EDC4: variants seen among roughly 807,000 people sequenced by gnomAD.
EDC4 encodes the protein enhancer of mRNA-decapping protein 4.
Under a neutral mutation model 155.8 loss-of-function variants are expected in EDC4, and 64 were observed. The ratio of observed to expected loss-of-function variants is 0.41; its 90% CI spans 0.34 to 0.51. The LOEUF (loss-of-function observed/expected upper bound fraction) is 0.51, where lower values mean the gene tolerates loss of function less well. EDC4 is among the 20% of genes least tolerant of loss of function. EDC4 has a pLI of 0.19. For missense variants in EDC4, 1,303 were observed against 1,812.5 expected (o/e 0.72, Z 5.10); for synonymous variants, 684 against 716.8 (o/e 0.95, Z 0.73).
In EDC4 at chr16:67,879,882, T is replaced by TAGCAGC. The variant is rs747465973; in HGVS notation, c.1869_1874dup (p.Ser628_Ser629dup). ...CCTCTCCCAGCAGCAGCAGCAGCGG[T>TAGCAGC]AGCAGCAGCAGCAGCAGCAGTAGCA... On this transcript the variant is annotated inframe_insertion, in exon 16 of 29. Transcript: ENST00000358933. The surrounding 1 kb of genome is among the most constrained non-coding windows in gnomAD (Gnocchi z 6.0). 20 of 1,610,368 alleles carry TAGCAGC rather than the reference T, an allele frequency of 1.2e-5. No individual in the cohort carries two copies. The highest frequency in any genetic ancestry group is 1.1e-4 in the African/African-American group (8 of 74,790).
rs1414885905 is a variant in EDC4, at chr16:67,882,461, A to G, written c.3309A>G (p.Ala1103=). ...NLTDAIARAA[A]DTLQGPMQAA... is the part of the protein sequence containing the mutation. ...CTGATGCCATCGCCCGAGCAGCTGC[A>G]GACACATTACAAGGGCCGATGCAGG... is the stretch of plus-strand genomic sequence containing the variant. The change falls in exon 25 of 29, where the codon GCA becomes GCG. Residue 1103 remains alanine, a synonymous_variant. Coordinates refer to ENST00000358933, the MANE Select transcript of EDC4 (RefSeq NM_014329.5). The surrounding 1 kb of genome is among the most constrained non-coding windows in gnomAD (Gnocchi z 7.2). 3 of 1,614,164 alleles carry G rather than the reference A, an allele frequency of 1.9e-6. No individual in the cohort carries two copies. Among genetic ancestry groups the G allele is most frequent in the Admixed American group, 3.3e-5 (2 of 60,026 alleles).
In EDC4 at chr16:67,880,809, C is replaced by T. The variant is rs970990818; in HGVS notation, c.2350C>T (p.Arg784Trp). The change falls in exon 18 of 29, where the codon CGG (arginine) becomes TGG (tryptophan). Residue 784 changes from arginine (R) to tryptophan (W), a missense_variant. Arg to Trp is a moderately radical substitution (Grantham distance 101, BLOSUM62 -3). Around this residue, in one of 5 missense-constraint regions of EDC4, gnomAD observed 391 missense variants for 445.4 expected, o/e 0.88. Transcript: ENST00000358933. This position sits in a 1 kb window ranked among gnomAD's most constrained non-coding sequence, Gnocchi z 5.2. ...ACTGCACCTGCTGTCCCCACGGCCC[C>T]GGCCAGGGCCCGAGCTCGGCCCCCA... ...SALHLLSPRPRPGPELGPQLG... is the reference protein window; with the variant it reads ...SALHLLSPRPWPGPELGPQLG... 3.1e-6 allele frequency: 5 copies of T among 1,613,922 alleles called. No homozygotes were observed. Among genetic ancestry groups the T allele is most frequent in the Non-Finnish European group, 3.4e-6 (4 of 1,179,986 alleles).
chr16:67,874,169 A>G (rs2058032798), intron 1 of EDC4, among the ~76,000 whole-genome samples: 1 of 152,146 alleles, frequency 6.6e-6, no homozygotes, highest in African/African-American at 2.4e-5. Flanking sequence ...GTGTCAGGAA[A>G]GGCACCCAAG....
In EDC4 at chr16:67,883,381, A is replaced by G. The variant is rs557178767; in HGVS notation, c.3850-187A>G. ...ACCTAGCCCACCTTGCTTTACAACT[A>G]CCCTTCTCAGGAACCCATTTCCCAA... is the stretch of plus-strand genomic sequence containing the variant. On this transcript the variant is annotated intron_variant, in intron 27 of 28. Transcript: ENST00000358933. This position sits in a 1 kb window ranked among gnomAD's most constrained non-coding sequence, Gnocchi z 5.3. 1.0e-4 allele frequency: 131 copies of G among 1,273,152 alleles called. No homozygotes were observed. In the East Asian group the frequency reaches 2.7e-3, roughly 26 times the overall value. The allele number at this position is 1,273,152 out of a possible 1,614,324, so 78.9% of individuals were successfully genotyped here. A position where few individuals can be genotyped will look rare whatever the true frequency, so the allele number is the denominator to read the frequency against.
At chr16:67,875,637 T>C in intron 1 of EDC4, 1 of 862,244 alleles carries the variant, frequency 1.2e-6, no homozygotes, top group East Asian at 5.9e-5. Context: ...TCCTGACCCC[T>C]CCTATGCCCT....
chr16:67,877,584 C>T lies in EDC4; in HGVS notation c.717C>T (p.Pro239=). ...ACTTTCGCAGGATCATCTGGTGCCC[C>T]TTCATCCCTGAGGAGAGCGAAGACT... The part of the protein sequence containing the change: ...LNHFRRIIWC[P]FIPEESEDCC... Residue 239 remains proline (P), a synonymous_variant, in exon 6 of 29, where the codon CCC becomes CCT. Transcript: ENST00000358933. This position sits in a 1 kb window ranked among gnomAD's most constrained non-coding sequence, Gnocchi z 4.9. 6.2e-7 allele frequency: 1 copy of T among 1,614,222 alleles called. No homozygotes were observed. Among genetic ancestry groups the T allele is most frequent in the Non-Finnish European group, 8.5e-7 (1 of 1,180,032 alleles).
In EDC4 at chr16:67,881,255, C is replaced by T; in HGVS notation, c.2637-10C>T. 6.2e-7 allele frequency: 1 copy of T among 1,614,046 alleles called. No homozygotes were observed. Among genetic ancestry groups the T allele is most frequent in the East Asian group, 2.2e-5 (1 of 44,872 alleles). ...GGGCAGGGGCTTACTCCTCCTTCCC[C>T]TTCCCACAGTGACCATGATGATGAG... On this transcript the variant is annotated splice_polypyrimidine_tract_variant and intron_variant, in intron 19 of 28. Transcript: ENST00000358933. This position sits in a 1 kb window ranked among gnomAD's most constrained non-coding sequence, Gnocchi z 5.4.
Position 67,880,500 on chromosome 16 carries a change from C to T in EDC4, c.2098-57C>T. On this transcript the variant is annotated intron_variant, in intron 17 of 28. Coordinates refer to ENST00000358933, the MANE Select transcript of EDC4 (RefSeq NM_014329.5). This position sits in a 1 kb window ranked among gnomAD's most constrained non-coding sequence, Gnocchi z 5.2. Reference sequence around the variant, plus strand: ...CTAATACTAATGCCTCGTCTCTGTGCCCCCCATCTCTGCCTCACTTCCTGT... The same window carrying T: ...CTAATACTAATGCCTCGTCTCTGTGTCCCCCATCTCTGCCTCACTTCCTGT... 1.9e-6 allele frequency: 3 copies of T among 1,579,570 alleles called. No individual in the cohort carries two copies. The highest frequency in any genetic ancestry group is 1.3e-5 in the African/African-American group (1 of 74,278).
Position 67,882,796 on chromosome 16 carries a change from A to G in EDC4, c.3560A>G (p.Gln1187Arg). 1 of 1,614,186 alleles carries G rather than the reference A, an allele frequency of 6.2e-7. No homozygotes were observed. The highest frequency in any genetic ancestry group is 1.1e-5 in the South Asian group (1 of 91,084). Residue 1187 changes from glutamine (Q) to arginine (R), a missense_variant, in exon 26 of 29, where the codon CAG becomes CGG. Transcript: ENST00000358933. This position sits in a 1 kb window ranked among gnomAD's most constrained non-coding sequence, Gnocchi z 7.2. ...LVSTLQSATE[Q>R]MAATVAGSVR... ...AGCACACTGCAGAGTGCCACTGAGC[A>G]GATGGCAGCCACCGTGGCCGGCAGT...
Position 67,883,209 on chromosome 16 carries a change from A to C in EDC4, c.3849+32A>C, listed in dbSNP as rs188359494. 2.2e-3 allele frequency: 3,366 copies of C among 1,529,068 alleles called. 141 individuals carry two copies. In the Admixed American group the frequency reaches 0.061, roughly 28 times the overall value. The allele number at this position is 1,529,068 out of a possible 1,614,324, so 94.7% of individuals were successfully genotyped here. ...TAGGCATTAGGCCCTGCTAAGGGTC[A>C]CGTGTCTCTTGACAAGGCCCACATA... On this transcript the variant is annotated intron_variant, in intron 27 of 28. Coordinates refer to ENST00000358933, the MANE Select transcript of EDC4 (RefSeq NM_014329.5). The surrounding 1 kb of genome is among the most constrained non-coding windows in gnomAD (Gnocchi z 5.3).
chr16:67,881,189 C>T lies in EDC4; in HGVS notation c.2636+9C>T. 1 of 1,614,074 alleles carries T rather than the reference C, an allele frequency of 6.2e-7. No homozygotes were observed. The highest frequency in any genetic ancestry group is 1.3e-5 in the African/African-American group (1 of 75,012). On this transcript the variant is annotated intron_variant, in intron 19 of 28. Coordinates refer to ENST00000358933, the MANE Select transcript of EDC4 (RefSeq NM_014329.5). The surrounding 1 kb of genome is among the most constrained non-coding windows in gnomAD (Gnocchi z 5.4). ...GCCAGTGCTGAGCAAAGGTGGGAGC[C>T]ACTCTACACCATTGCCCTCATGGGG...
In EDC4 at chr16:67,873,276, G is replaced by C; in HGVS notation, c.15G>C (p.Ala5=). The change falls in exon 1 of 29, where the codon GCG becomes GCC. Residue 5 remains alanine, a synonymous_variant. Transcript: ENST00000358933. ...CCGCAGGGCCCATGGCCTCCTGCGC[G>C]AGCATCGACATCGAGGACGCCACGC... is the stretch of plus-strand genomic sequence containing the variant. MASC[A]SIDIEDATQH... is the part of the protein sequence containing the mutation. 1 of 1,471,164 alleles carries C rather than the reference G, an allele frequency of 6.8e-7. No homozygotes were observed. Among genetic ancestry groups the C allele is most frequent in the Non-Finnish European group, 9.0e-7 (1 of 1,115,642 alleles). The allele number at this position is 1,471,164 out of a possible 1,614,324, so 91.1% of individuals were successfully genotyped here. A position where few individuals can be genotyped will look rare whatever the true frequency, so the allele number is the denominator to read the frequency against.
chr16:67,879,867 C>T lies in EDC4; in HGVS notation c.1839C>T (p.Ser613=), dbSNP rs1313832456. ...ASLQQITASP[S]SSSSGSSSSS... is the part of the protein sequence containing the mutation. ...CTCCCCAGATCACTGCCTCTCCCAG[C>T]AGCAGCAGCAGCGGTAGCAGCAGCA... The change falls in exon 16 of 29, where the codon AGC becomes AGT. Residue 613 remains serine (S), a synonymous_variant. Coordinates refer to ENST00000358933, the MANE Select transcript of EDC4 (RefSeq NM_014329.5). This position sits in a 1 kb window ranked among gnomAD's most constrained non-coding sequence, Gnocchi z 6.0. The T allele has an allele frequency of 6.2e-7, 1 of 1,611,728 alleles. No individual in the cohort carries two copies.
Position 67,879,091 on chromosome 16 carries a change from C to A in EDC4, c.1422C>A (p.His474Gln), listed in dbSNP as rs1305744241. 1.2e-6 allele frequency: 2 copies of A among 1,613,774 alleles called. No homozygotes were observed. The highest frequency in any genetic ancestry group is 1.7e-6 in the Non-Finnish European group (2 of 1,179,968). Residue 474 changes from histidine to glutamine, a missense_variant, in exon 12 of 29, where the codon CAC (histidine) becomes CAA (glutamine). His to Gln is a conservative substitution (Grantham distance 24). This residue lies in a region of EDC4 where 391 missense variants were observed against 445.4 expected (regional missense o/e 0.88). Transcript: ENST00000358933. The surrounding 1 kb of genome is among the most constrained non-coding windows in gnomAD (Gnocchi z 6.0). Reference protein sequence around the residue: ...IQVVSRCRLRHTEVLPAEEEN... With the variant: ...IQVVSRCRLRQTEVLPAEEEN... Reference sequence around the variant, plus strand: ...TTGTGAGTCGCTGCCGGCTACGGCACACTGAGGTGCTGCCTGCCGAAGAGG... The same window carrying A: ...TTGTGAGTCGCTGCCGGCTACGGCAAACTGAGGTGCTGCCTGCCGAAGAGG...
Position 67,883,208 on chromosome 16 carries a change from C to T in EDC4, c.3849+31C>T, listed in dbSNP as rs779536697. The T allele has an allele frequency of 1.3e-6, 2 of 1,529,790 alleles. No individual in the cohort carries two copies. The highest frequency in any genetic ancestry group is 1.8e-6 in the Non-Finnish European group (2 of 1,137,270). The allele number at this position is 1,529,790 out of a possible 1,614,324, so 94.8% of individuals were successfully genotyped here. On this transcript the variant is annotated intron_variant, in intron 27 of 28. Coordinates refer to ENST00000358933, the MANE Select transcript of EDC4 (RefSeq NM_014329.5). This position sits in a 1 kb window ranked among gnomAD's most constrained non-coding sequence, Gnocchi z 5.3. ...ATAGGCATTAGGCCCTGCTAAGGGT[C>T]ACGTGTCTCTTGACAAGGCCCACAT...
chr16:67,880,015 A>C lies in EDC4; in HGVS notation c.1943+44A>C, dbSNP rs80281232. On this transcript the variant is annotated intron_variant, in intron 16 of 28. Coordinates refer to ENST00000358933, the MANE Select transcript of EDC4 (RefSeq NM_014329.5). The surrounding 1 kb of genome is among the most constrained non-coding windows in gnomAD (Gnocchi z 5.2). The stretch of plus-strand genomic sequence containing the variant: ...ATGGAGGATGGCAGGGGCTGGTACC[A>C]GATGATGCCAAGCTCTGGCTGCTGA... The C allele has an allele frequency of 0.033, 51,953 of 1,588,980 alleles. 936 individuals carry two copies. Among genetic ancestry groups the C allele is most frequent in the Non-Finnish European group, 0.037 (42,769 of 1,163,774 alleles).
rs929046160 is a variant in EDC4, at chr16:67,877,126, G to C, written c.452-91G>C. ...GTGGGAAAACCAAGCTTGAGACTCTGGTGGTGGCAGGGAGACAGGTGGGGC... is the reference window on the plus strand; with the variant it reads ...GTGGGAAAACCAAGCTTGAGACTCTCGTGGTGGCAGGGAGACAGGTGGGGC... On this transcript the variant is annotated intron_variant, in intron 4 of 28. Transcript: ENST00000358933. The surrounding 1 kb of genome is among the most constrained non-coding windows in gnomAD (Gnocchi z 4.9). 6.5e-7 allele frequency: 1 copy of C among 1,535,766 alleles called. No homozygotes were observed. Among genetic ancestry groups the C allele is most frequent in the Non-Finnish European group, 8.8e-7 (1 of 1,140,494 alleles).
intron 1 of EDC4, 152 bp from the exon 2 acceptor site, chr16:67,875,793 A>G: frequency 1.4e-6 from 2 of 1,466,166 alleles, no homozygotes; most frequent in Non-Finnish European, 1.8e-6. Flanking sequence ...TTATGGAACG[A>G]GAGATGAACA....
rs1418427441 is a variant in EDC4 at position 67,877,136 on chromosome 16, G to A, written c.452-81G>A. On this transcript the variant is annotated intron_variant, in intron 4 of 28. Coordinates refer to ENST00000358933, the MANE Select transcript of EDC4 (RefSeq NM_014329.5). The surrounding 1 kb of genome is among the most constrained non-coding windows in gnomAD (Gnocchi z 4.9). ...CAAGCTTGAGACTCTGGTGGTGGCA[G>A]GGAGACAGGTGGGGCAGCGCTTCTC... The A allele has an allele frequency of 6.5e-7, 1 of 1,540,222 alleles. No homozygotes were observed. Among genetic ancestry groups the A allele is most frequent in the Non-Finnish European group, 8.8e-7 (1 of 1,142,732 alleles).
Sources: allele counts gnomAD v4.1 joint callset (sites outside exome capture counted in the v4.1 genomes callset), GRCh38; gene constraint gnomAD v4.1.1; regional missense constraint gnomAD v4.1.1; non-coding constraint Gnocchi (gnomAD v3.1); transcripts MANE v1.5; gene names NCBI Gene and HGNC (gene_info 2026-07-23, HGNC 2026-07-21).